CACNA1H: variants seen among roughly 807,000 people sequenced by gnomAD.
CACNA1H encodes the protein voltage-dependent T-type calcium channel subunit alpha-1H.
Under a neutral mutation model 192.5 loss-of-function variants are expected in CACNA1H, and 149 were observed. The ratio of observed to expected loss-of-function variants is 0.77; its 90% confidence interval spans 0.68 to 0.89. CACNA1H has a LOEUF of 0.89. CACNA1H is among the 40% of genes least tolerant of loss of function. CACNA1H has a pLI of 0.00. For synonymous variants in CACNA1H, 2,202 were observed against 1,475.2 expected, an observed-to-expected ratio of 1.49 and a Z score of -11.29; for missense variants, 4,257 against 3,423.5, an observed-to-expected ratio of 1.24 and a Z score of -6.08.
Position 1,217,976 on chromosome 16 carries a change from T to TC in CACNA1H, c.5382dup (p.Gly1795ArgfsTer30). On this transcript the variant is annotated frameshift_variant, in exon 32 of 35. Transcript: ENST00000348261. LOFTEE classifies it high-confidence loss of function. Reference sequence around the variant, plus strand: ...AGCAGGCACGCCACCTTCAGCAACTTCGGCATGGCCTTCCTCACGCTGTTC... The same window carrying TC: ...AGCAGGCACGCCACCTTCAGCAACTTCCGGCATGGCCTTCCTCACGCTGTTC... The TC allele has an allele frequency of 6.2e-7, 1 of 1,605,438 alleles. No individual in the cohort carries two copies. Among genetic ancestry groups the TC allele is most frequent in the Non-Finnish European group, 8.5e-7 (1 of 1,176,724 alleles).
At chr16:1,154,532 C>G (rs901378348) in intron 2 of CACNA1H, among the ~76,000 whole-genome samples, 42 of 152,028 alleles carry the variant, frequency 2.8e-4, no homozygotes, top group Non-Finnish European at 4.1e-4. Flanking sequence ...TGGGGAGACC[C>G]GTGGGGCCTG....
intron 6 of CACNA1H, among the ~76,000 whole-genome samples, chr16:1,199,988 T>C (rs1422128429): frequency 3.3e-5 from 5 of 152,168 alleles, no homozygotes; most frequent in Non-Finnish European, 7.4e-5. Context: ...TTTGTCTCTG[T>C]GGACTTGGGC....
chr16:1,204,560 G>C, intron 10 of CACNA1H, 102 bp downstream of exon 10: 1 of 913,722 alleles, frequency 1.1e-6, no homozygotes, highest in East Asian at 2.6e-5. Context: ...CCTGATGGTA[G>C]GACGGTCAGG....
chr16:1,190,899 G>C (rs1326676322), intron 2 of CACNA1H, among the ~76,000 whole-genome samples: 1 of 151,528 alleles, frequency 6.6e-6, no homozygotes, highest in African/African-American at 2.4e-5. Flanking sequence ...GGCTGGCCTG[G>C]CTGTGTGGCC....
In CACNA1H at chr16:1,219,134, G is replaced by A. The variant is rs984022367; in HGVS notation, c.6048+4G>A. The A allele has an allele frequency of 2.6e-6, 4 of 1,527,516 alleles. No homozygotes were observed. In the South Asian group the frequency reaches 3.6e-5, roughly 14 times the overall value. 94.6% of individuals were successfully genotyped at this position (1,527,516 alleles called of 1,614,324 possible). On this transcript the variant is annotated splice_donor_region_variant and intron_variant, in intron 34 of 34. Coordinates refer to ENST00000348261, the MANE Select transcript of CACNA1H (RefSeq NM_021098.3). Reference sequence around the variant, plus strand: ...CAGCCGGCTGCTCTGCAGACAGGTAGGAGAAGCCGTTGGCCTGCAGCAGAG... The same window carrying A: ...CAGCCGGCTGCTCTGCAGACAGGTAAGAGAAGCCGTTGGCCTGCAGCAGAG...
chr16:1,156,630 C>T (rs1031166373), intron 2 of CACNA1H, among the ~76,000 whole-genome samples: 2 of 152,114 alleles, frequency 1.3e-5, no homozygotes, highest in African/African-American at 4.8e-5. Flanking sequence ...CGCAGGGCCC[C>T]GCATCCCTCC....
At chr16:1,198,108 G>A (rs1183463238) in intron 5 of CACNA1H, among the ~76,000 whole-genome samples, 1 of 152,154 alleles carries the variant, frequency 6.6e-6, no homozygotes, top group Non-Finnish European at 1.5e-5. Context: ...AGACCCCCAG[G>A]AGGCAGCCCA....
At chr16:1,164,598 G>A (rs1312044448) in intron 2 of CACNA1H, among the ~76,000 whole-genome samples, 1 of 152,256 alleles carries the variant, frequency 6.6e-6, no homozygotes, top group Non-Finnish European at 1.5e-5. Flanking sequence ...TGGACCCCGG[G>A]CGGTGCCGAG....
At chr16:1,200,692 C>T (rs768965884) in intron 7 of CACNA1H, 24 bp from the exon 8 acceptor site, 3 of 1,564,662 alleles carry the variant, frequency 1.9e-6, no homozygotes, top group Admixed American at 1.9e-5. Context: ...CGTGCGGGCC[C>T]AAGTCAAGCC....
intron 2 of CACNA1H, among the ~76,000 whole-genome samples, chr16:1,160,338 A>C (rs1051688199): frequency 7.2e-5 from 11 of 152,106 alleles, no homozygotes; most frequent in Non-Finnish European, 1.6e-4. Context: ...TCCAGGGTGG[A>C]GATTAAGGAG....
chr16:1,218,757 G>T lies in CACNA1H; in HGVS notation c.5887+106G>T, dbSNP rs1360277365. The T allele has an allele frequency of 8.7e-6, 11 of 1,265,644 alleles. No homozygotes were observed. The East Asian group carries it at 2.8e-4, about 32-fold the overall frequency. 78.4% of individuals were successfully genotyped at this position (1,265,644 alleles called of 1,614,324 possible). A position where few individuals can be genotyped will look rare whatever the true frequency, so the allele number is the denominator to read the frequency against. On this transcript the variant is annotated intron_variant, in intron 33 of 34. Transcript: ENST00000348261. ...GGGTCAGGCCAGAGCAGGGCAAGAG[G>T]AAGGATGGGCGGGAAGGAGGATGGG...
rs1226290125 is a variant in CACNA1H, at chr16:1,202,044, A to G, written c.1594A>G (p.Ser532Gly). The G allele has an allele frequency of 6.5e-7, 1 of 1,537,548 alleles. No individual in the cohort carries two copies. Among genetic ancestry groups the G allele is most frequent in the Non-Finnish European group, 8.7e-7 (1 of 1,144,034 alleles). Residue 532 changes from serine to glycine, a missense_variant, in exon 9 of 35, where the codon AGC becomes GGC. Transcript: ENST00000348261. ...CCACCACCACCACCACTACCATTTC[A>G]GCCATGGCAGCCCCCGCAGGCCCGG... is the stretch of plus-strand genomic sequence containing the variant. ...HHHHHHHYHF[S>G]HGSPRRPGPE...
rs1284062636 is a variant in CACNA1H, at chr16:1,207,449, G to T, written c.3063+19G>T. ...GGCGGAGGTGAGGGGGCAGGGAGAGGGGCTGCCAGGAGGAGGGCGATGAGA... is the reference window on the plus strand; with the variant it reads ...GGCGGAGGTGAGGGGGCAGGGAGAGTGGCTGCCAGGAGGAGGGCGATGAGA... On this transcript the variant is annotated intron_variant, in intron 14 of 34. Coordinates refer to ENST00000348261, the MANE Select transcript of CACNA1H (RefSeq NM_021098.3). The T allele has an allele frequency of 4.3e-6, 7 of 1,610,326 alleles. No individual in the cohort carries two copies. Among genetic ancestry groups the T allele is most frequent in the Non-Finnish European group, 5.9e-6 (7 of 1,178,396 alleles).
chr16:1,214,089 G>T (rs1165179121), intron 27 of CACNA1H, among the ~76,000 whole-genome samples, 158 bp downstream of exon 27: 1 of 151,998 alleles, frequency 6.6e-6, no homozygotes, highest in South Asian at 2.1e-4. Flanking sequence ...TTTTAATGTT[G>T]ATTGAAACTC....
chr16:1,183,369 G>C (rs1182824411), intron 2 of CACNA1H, among the ~76,000 whole-genome samples: 1 of 152,212 alleles, frequency 6.6e-6, no homozygotes, highest in Non-Finnish European at 1.5e-5. Flanking sequence ...GACGGGCGTG[G>C]GGGCCGCCCT....
Position 1,210,476 on chromosome 16 carries a change from A to G in CACNA1H, c.3952A>G (p.Ile1318Val), listed in dbSNP as rs775456399. The change falls in exon 19 of 35, where the codon ATT becomes GTT. Residue 1318 changes from isoleucine (I) to valine (V), a missense_variant. Physicochemically the swap from Ile to Val is conservative, Grantham distance 29 (BLOSUM62 3). Transcript: ENST00000348261. ...CACCATCGCCCTGGAGAGGCCTGACATTGATCCCGGCAGCACCGTGAGTCA... is the reference window on the plus strand; with the variant it reads ...CACCATCGCCCTGGAGAGGCCTGACGTTGATCCCGGCAGCACCGTGAGTCA... ...CVTIALERPD[I>V]DPGSTERVFL... is the part of the protein sequence containing the mutation. 2.7e-5 allele frequency: 43 copies of G among 1,612,186 alleles called. No individual in the cohort carries two copies. Among genetic ancestry groups the G allele is most frequent in the Non-Finnish European group, 3.4e-5 (40 of 1,179,706 alleles).
chr16:1,208,720 C>T (rs1969058457), intron 16 of CACNA1H, among the ~76,000 whole-genome samples: 1 of 152,210 alleles, frequency 6.6e-6, no homozygotes, highest in Non-Finnish European at 1.5e-5. Flanking sequence ...AGCTGTGAGG[C>T]AGAGCCGCAG....
At chr16:1,215,832 G>C (rs944426559) in intron 30 of CACNA1H, among the ~76,000 whole-genome samples, 7 of 152,094 alleles carry the variant, frequency 4.6e-5, no homozygotes, top group African/African-American at 1.7e-4. Context: ...CCCCTCCCCG[G>C]TGCACTTCCA....
intron 2 of CACNA1H, among the ~76,000 whole-genome samples, chr16:1,155,483 C>G (rs911046391): frequency 2.0e-5 from 3 of 152,188 alleles, no homozygotes; most frequent in Non-Finnish European, 2.9e-5. Context: ...GCCAGCAGGC[C>G]ATGGGGAAGG....
Sources: gnomAD v4.1 joint callset for allele counts (sites outside exome capture counted in the v4.1 genomes callset) on GRCh38, gnomAD v4.1.1 for gene constraint, MANE v1.5 for transcripts, NCBI Gene and HGNC (gene_info 2026-07-23, HGNC 2026-07-21) for gene names.